Variants in DNAJC16 observed in about 807,000 individuals in gnomAD.
The protein encoded by DNAJC16 is DnaJ heat shock protein family (Hsp40) member C16.
A neutral mutation model predicts 92.7 loss-of-function variants in DNAJC16; 76 were observed. The observed-to-expected ratio is 0.82, with a 90% CI of 0.68 to 0.99. The LOEUF (loss-of-function observed/expected upper bound fraction) is 0.99, where lower values mean the gene tolerates loss of function less well. DNAJC16 is among the 50% of genes least tolerant of loss of function. DNAJC16 has a pLI of 0.00. For synonymous variants in DNAJC16, 328 were observed against 358.7 expected (o/e 0.91, Z 0.97); for missense variants, 869 against 942.4 (o/e 0.92, Z 1.02).
At chr1:15,544,736 A>C (rs1294152377) in intron 5 of DNAJC16, among the ~76,000 whole-genome samples, 153 bp downstream of exon 5, 1 of 152,178 alleles carries the variant, frequency 6.6e-6, no homozygotes, top group Non-Finnish European at 1.5e-5. Context: ...ACTCAAACTA[A>C]ATCGTTTAAG....
Position 15,568,125 on chromosome 1 carries a change from T to C in DNAJC16, c.2297T>C (p.Leu766Pro), listed in dbSNP as rs1366465322. ...SKLSLWMERL[L>P]EGSLQRFYIP... ...CTCTCTTTATGGATGGAACGCCTGC[T>C]GGAGGGCTCCTTACAGAGGTTTTAT... The change falls in exon 15 of 15, where the codon CTG becomes CCG. Residue 766 changes from leucine to proline, a missense_variant. By Grantham distance (98) the Leu-to-Pro change is moderately conservative. Transcript: ENST00000375847. 6.2e-7 allele frequency: 1 copy of C among 1,614,012 alleles called. No homozygotes were observed. Among genetic ancestry groups the C allele is most frequent in the Non-Finnish European group, 8.5e-7 (1 of 1,180,008 alleles).
intron 1 of DNAJC16, 62 bp downstream of exon 1, chr1:15,527,020 G>A (rs1183864107): frequency 6.6e-6 from 1 of 152,308 alleles, no homozygotes; most frequent in East Asian, 1.9e-4. Flanking sequence ...CCGACTCAGG[G>A]ATTTCCCCTC....
intron 4 of DNAJC16, among the ~76,000 whole-genome samples, chr1:15,539,331 C>T (rs769742512): frequency 5.9e-5 from 9 of 151,712 alleles, no homozygotes; most frequent in Non-Finnish European, 1.3e-4. Flanking sequence ...CTGCAAGCTC[C>T]GCCTCCCAGG....
chr1:15,554,794 C>G (rs1187799555), intron 7 of DNAJC16, among the ~76,000 whole-genome samples: 3 of 152,052 alleles, frequency 2.0e-5, no homozygotes, highest in African/African-American at 4.8e-5. Context: ...AAAGGCAAAG[C>G]TATACGGCTT....
intron 4 of DNAJC16, among the ~76,000 whole-genome samples, chr1:15,539,165 G>T (rs917021586): frequency 6.6e-6 from 1 of 152,184 alleles, no homozygotes; most frequent in Non-Finnish European, 1.5e-5. Context: ...CCGAGGGTGT[G>T]CAGATTAGCC....
At chr1:15,564,909 A>G (rs75132554) in intron 11 of DNAJC16, among the ~76,000 whole-genome samples, 2,166 of 151,230 alleles carry the variant, frequency 0.014, 57 homozygotes, top group African/African-American at 0.049. Context: ...ATCTCAGCTC[A>G]CTGCAACCTC....
chr1:15,536,784 A>G lies in DNAJC16; in HGVS notation c.544A>G (p.Lys182Glu). The change falls in exon 4 of 15, where the codon AAA becomes GAA. Residue 182 changes from lysine to glutamate, a missense_variant. By Grantham distance (56) the Lys-to-Glu change is moderately conservative. Transcript: ENST00000375847. The stretch of plus-strand genomic sequence containing the variant: ...CTGCATTCATATCGAGCCTGTGTGG[A>G]AAGAAGTCATTCAAGAACTGGAAGA... ...FSCIHIEPVW[K>E]EVIQELEELG... is the part of the protein sequence containing the mutation. 6.2e-7 allele frequency: 1 copy of G among 1,607,284 alleles called. No individual in the cohort carries two copies. The highest frequency in any genetic ancestry group is 8.5e-7 in the Non-Finnish European group (1 of 1,177,518).
intron 11 of DNAJC16, 46 bp from the exon 12 acceptor site, chr1:15,565,873 A>T (rs1234816517): frequency 3.2e-6 from 5 of 1,565,300 alleles, no homozygotes; most frequent in Non-Finnish European, 4.4e-6. Flanking sequence ...TTAGCTGGAG[A>T]GAAGAAATTT....
At chr1:15,566,268 G>A (rs377486713) in intron 13 of DNAJC16, 88 bp downstream of exon 13, 20 of 1,108,486 alleles carry the variant, frequency 1.8e-5, no homozygotes, top group Middle Eastern at 2.3e-4. Context: ...AACATAGAGT[G>A]TAGAGAAGAA....
intron 7 of DNAJC16, among the ~76,000 whole-genome samples, chr1:15,553,021 C>G (rs1638483568): frequency 6.6e-6 from 1 of 151,926 alleles, no homozygotes; most frequent in South Asian, 2.1e-4. Flanking sequence ...CCGCCCACCT[C>G]CGCCTCCCAA....
chr1:15,527,950 C>T (rs1710558905), intron 1 of DNAJC16, among the ~76,000 whole-genome samples: 1 of 152,200 alleles, frequency 6.6e-6, no homozygotes, highest in Admixed American at 6.5e-5. Flanking sequence ...AGTTCCAGCA[C>T]TACCCTGTTC....
At position 15,569,489 on chromosome 1, in the gene DNAJC16, A is replaced by G. The variant is rs980234501; in HGVS notation, c.*1312A>G. The G allele has an allele frequency of 6.6e-6, 1 of 152,006 alleles. No individual in the cohort carries two copies. The allele number at this position is 152,006 out of a possible 1,614,324, so 9.4% of individuals were successfully genotyped here. The stretch of plus-strand genomic sequence containing the variant: ...CAGCCAGTTAGAGAGCATACCTTTT[A>G]TTTTTCAGGGCAGAATGACCAGTGG... On this transcript the variant is annotated 3_prime_UTR_variant, in exon 15 of 15. Coordinates refer to ENST00000375847, the MANE Select transcript of DNAJC16 (RefSeq NM_015291.4).
At chr1:15,552,473 A>C (rs944395383) in intron 7 of DNAJC16, among the ~76,000 whole-genome samples, 3 of 151,854 alleles carry the variant, frequency 2.0e-5, no homozygotes, top group Non-Finnish European at 4.4e-5. Flanking sequence ...TGGGCGACAG[A>C]GTGGGACTTC....
intron 2 of DNAJC16, among the ~76,000 whole-genome samples, chr1:15,530,940 G>C (rs1343993620): frequency 6.6e-6 from 1 of 152,098 alleles, no homozygotes; most frequent in Non-Finnish European, 1.5e-5. Context: ...CGTCCACCTC[G>C]GCCTCCCAAA....
In DNAJC16 at chr1:15,567,146, T is replaced by C. The variant is rs1414458471; in HGVS notation, c.1826T>C (p.Val609Ala). ...GFVEVTELTD[V>A]TYTSNLVRLR... ...GTGGAGGTAACTGAACTCACAGATG[T>C]AACATACACCAGTAACTTGGTACGT... The change falls in exon 14 of 15, where the codon GTA becomes GCA. Residue 609 changes from valine to alanine, a missense_variant. Val to Ala is a moderately conservative substitution (Grantham distance 64). Coordinates refer to ENST00000375847, the MANE Select transcript of DNAJC16 (RefSeq NM_015291.4). The C allele has an allele frequency of 1.2e-6, 2 of 1,613,752 alleles. No homozygotes were observed. The highest frequency in any genetic ancestry group is 2.7e-5 in the African/African-American group (2 of 74,928).
At chr1:15,536,169 G>A (rs1710778459) in intron 3 of DNAJC16, among the ~76,000 whole-genome samples, 1 of 150,130 alleles carries the variant, frequency 6.7e-6, no homozygotes. Flanking sequence ...CGCCTCCTGG[G>A]TTCAAGCAAT....
At chr1:15,561,782 CTT>C (rs1033697481) in intron 8 of DNAJC16, among the ~76,000 whole-genome samples, 6 of 152,036 alleles carry the variant, frequency 3.9e-5, no homozygotes, top group Admixed American at 6.6e-5. Flanking sequence ...AATCCCAACA[CTT>C]TGGGAGCCTG....
intron 7 of DNAJC16, among the ~76,000 whole-genome samples, chr1:15,555,385 CA>C (rs138122400): frequency 0.015 from 1,569 of 105,780 alleles, 24 homozygotes; most frequent in East Asian, 0.1. Context: ...GACTCCATCT[CA>C]AAAAAAAAAA....
intron 5 of DNAJC16, among the ~76,000 whole-genome samples, chr1:15,546,291 G>A (rs1638301338): frequency 6.6e-6 from 1 of 152,178 alleles, no homozygotes; most frequent in Admixed American, 6.5e-5. Context: ...TCTAGCCTGG[G>A]CAACAAAGCA....
Sources: allele counts gnomAD v4.1 joint callset (sites outside exome capture counted in the v4.1 genomes callset), GRCh38; gene constraint gnomAD v4.1.1; transcripts MANE v1.5; gene names NCBI Gene and HGNC (gene_info 2026-07-23, HGNC 2026-07-21).